CEP83: variants seen among roughly 807,000 people sequenced by gnomAD.
The protein encoded by CEP83 is centrosomal protein 83.
Under a neutral mutation model 101.9 loss-of-function variants are expected in CEP83, and 70 were observed. The ratio of observed to expected loss-of-function variants is 0.69; its 90% CI spans 0.57 to 0.84. The LOEUF (loss-of-function observed/expected upper bound fraction) is 0.84, where lower values mean the gene tolerates loss of function less well. Ranked by LOEUF, CEP83 falls within the 40% of genes least tolerant of loss-of-function variation. The probability of loss-of-function intolerance (pLI) is 0.00; values close to 1 mark genes in which losing one functional copy is unlikely to be tolerated. For missense variants in CEP83, 715 were observed against 787.2 expected, an observed-to-expected ratio of 0.91 and a Z score of 1.10; for synonymous variants, 264 against 267.9, an observed-to-expected ratio of 0.99 and a Z score of 0.14.
chr12:94,416,978 C>A (rs1238589525), intron 2 of CEP83, among the ~76,000 whole-genome samples: 1 of 151,974 alleles, frequency 6.6e-6, no homozygotes, highest in Admixed American at 6.6e-5. Context: ...TCCCGCAACC[C>A]CCCTCCCAAA....
intron 14 of CEP83, among the ~76,000 whole-genome samples, chr12:94,325,872 G>A (rs1205864116): frequency 1.3e-5 from 2 of 152,058 alleles, no homozygotes; most frequent in Non-Finnish European, 2.9e-5. Context: ...AAATATATTT[G>A]GTCTTTGTAC....
rs149272243 is a variant in CEP83, at chr12:94,383,896, C to T, written c.550-4854G>A. 2.0e-3 allele frequency among the ~76,000 whole-genome samples: 310 copies of T among 152,122 alleles called. 3 individuals carry two copies. Among genetic ancestry groups the T allele is most frequent in the African/African-American group, 7.0e-3 (291 of 41,544 alleles). On this transcript the variant is annotated intron_variant, in intron 6 of 16. Transcript: ENST00000397809. The stretch of plus-strand genomic sequence containing the variant: ...CTCCTTTTATATCCCTTTGTCCTTG[C>T]TCATTTATAATATAATTACCTAAAA...
At chr12:94,276,649 G>A in the CEP83 span, among the ~76,000 whole-genome samples, 4,376 of 152,296 alleles carry the variant, frequency 0.029, 217 homozygotes, top group African/African-American at 0.1. Flanking sequence ...CTACAACAGG[G>A]ATGGGAATAA....
chr12:94,396,118 C>T (rs2062873309), intron 6 of CEP83, among the ~76,000 whole-genome samples: 1 of 152,158 alleles, frequency 6.6e-6, no homozygotes, highest in African/African-American at 2.4e-5. Context: ...CCTGCGCCTA[C>T]AACTCTGTAT....
chr12:94,362,172 C>T (rs1296169869), intron 11 of CEP83, among the ~76,000 whole-genome samples: 1 of 152,020 alleles, frequency 6.6e-6, no homozygotes, highest in East Asian at 1.9e-4. Context: ...CAAATCAAAC[C>T]ACAATGAGAT....
At chr12:94,404,919 T>C (rs547923067) in intron 4 of CEP83, among the ~76,000 whole-genome samples, 34 of 152,318 alleles carry the variant, frequency 2.2e-4, no homozygotes, top group African/African-American at 7.7e-4. Context: ...TTTCTGTACC[T>C]TATTTATTGA....
intron 1 of CEP83, among the ~76,000 whole-genome samples, chr12:94,443,167 A>C (rs192518706): frequency 1.0e-3 from 148 of 147,982 alleles, no homozygotes; most frequent in South Asian, 7.3e-3. Context: ...TTGCTGCCCC[A>C]CAGGACCCCT....
rs757331855 is a variant in CEP83 at position 94,333,653 on chromosome 12, AAAG to A, written c.1420-17_1420-15del. The A allele has an allele frequency of 1.1e-5, 18 of 1,608,366 alleles. No individual in the cohort carries two copies. The South Asian group carries it at 1.9e-4, about 17-fold the overall frequency. On this transcript the variant is annotated splice_polypyrimidine_tract_variant and intron_variant, in intron 12 of 16. Coordinates refer to ENST00000397809, the MANE Select transcript of CEP83 (RefSeq NM_016122.3). Reference sequence around the variant, plus strand: ...ACTACTGATTTGCTTAAAAGAGAAGAAAGAAGATAAATTAAAGCCCACTAAATA... The same window carrying A: ...ACTACTGATTTGCTTAAAAGAGAAGAAAGATAAATTAAAGCCCACTAAATA...
chr12:94,302,771 ATCATAG>A (rs1463721309), downstream of CEP83, among the ~76,000 whole-genome samples: 2 of 152,216 alleles, frequency 1.3e-5, no homozygotes, highest in Non-Finnish European at 2.9e-5. Context: ...AATTATTTGT[ATCATAG>A]TAAGCACTTC....
chr12:94,399,681 G>A (rs1420306216), intron 6 of CEP83, among the ~76,000 whole-genome samples: 2 of 152,076 alleles, frequency 1.3e-5, no homozygotes, highest in Non-Finnish European at 2.9e-5. Flanking sequence ...TTATTATTGC[G>A]CCACTGCATT....
intron 11 of CEP83, among the ~76,000 whole-genome samples, chr12:94,342,725 T>C (rs745563750): frequency 7.3e-5 from 11 of 151,528 alleles, no homozygotes; most frequent in Admixed American, 2.0e-4. Context: ...GATAAAAGTA[T>C]ACCAGGCAAA....
intron 2 of CEP83, chr12:94,425,073 GAGGGAGGGAGGAAAAA>G (rs2065090061): frequency 2.8e-6 from 1 of 353,866 alleles, no homozygotes; most frequent in Non-Finnish European, 4.8e-6. Flanking sequence ...GAAAGGGGGA[GAGGGAGGGAGGAAAAA>G]AGGGAGGGGG....
intron 14 of CEP83, among the ~76,000 whole-genome samples, chr12:94,323,173 C>T (rs1225431483): frequency 1.3e-5 from 2 of 152,176 alleles, no homozygotes; most frequent in African/African-American, 2.4e-5. Context: ...TGCTCTATCC[C>T]CTGTATACAG....
At chr12:94,266,628 C>T in the CEP83 span, among the ~76,000 whole-genome samples, 4 of 152,202 alleles carry the variant, frequency 2.6e-5, no homozygotes, top group Admixed American at 6.5e-5. Flanking sequence ...TGGGGCCAGA[C>T]ATTTTGGAAT....
chr12:94,401,822 T>C (rs1293449307), intron 5 of CEP83, among the ~76,000 whole-genome samples: 2 of 152,192 alleles, frequency 1.3e-5, no homozygotes, highest in African/African-American at 4.8e-5. Flanking sequence ...ATCTTGTTTA[T>C]TTACAAAAAT....
intron 7 of CEP83, 62 bp downstream of exon 7, chr12:94,378,729 G>C (rs2061679096): frequency 1.3e-6 from 2 of 1,563,228 alleles, no homozygotes; most frequent in South Asian, 1.2e-5. Flanking sequence ...AAAATCAAAG[G>C]CTTGTCAACT....
At chr12:94,342,913 C>T (rs1360279639) in intron 11 of CEP83, among the ~76,000 whole-genome samples, 4 of 151,992 alleles carry the variant, frequency 2.6e-5, no homozygotes, top group Admixed American at 2.6e-4. Flanking sequence ...ACAAAAACTA[C>T]AAGATATACA....
intron 4 of CEP83, among the ~76,000 whole-genome samples, chr12:94,409,054 A>C (rs1413911101): frequency 6.6e-6 from 1 of 151,938 alleles, no homozygotes; most frequent in Non-Finnish European, 1.5e-5. Context: ...GCATTTTTGT[A>C]GGCAGACTAG....
intron 14 of CEP83, among the ~76,000 whole-genome samples, chr12:94,327,381 TCAC>T (rs1419232895): frequency 3.9e-5 from 6 of 152,342 alleles, no homozygotes; most frequent in East Asian, 1.9e-4. Context: ...CTACCTCTGT[TCAC>T]CACCACACCT....
Sources: allele counts gnomAD v4.1 joint callset (sites outside exome capture counted in the v4.1 genomes callset), GRCh38; gene constraint gnomAD v4.1.1; transcripts MANE v1.5; gene names NCBI Gene and HGNC (gene_info 2026-07-23, HGNC 2026-07-21).